The following MTCH1 variants were observed in gnomAD, a reference collection of about 807,000 sequenced individuals.
The protein encoded by MTCH1 is mitochondrial carrier 1.
A neutral mutation model predicts 49.3 loss-of-function variants in MTCH1; 23 were observed. The observed-to-expected ratio is 0.47, with a 90% confidence interval of 0.34 to 0.66. MTCH1 has a LOEUF of 0.66. Ranked by LOEUF, MTCH1 falls within the 30% of genes least tolerant of loss-of-function variation. MTCH1 has a pLI of 0.01. For synonymous variants in MTCH1, 229 were observed against 215.2 expected (o/e 1.06, Z -0.56); for missense variants, 397 against 532.1 (o/e 0.75, Z 2.50).
At chr6:36,980,383 G>A (rs1764042110) in intron 2 of MTCH1, among the ~76,000 whole-genome samples, 1 of 152,194 alleles carries the variant, frequency 6.6e-6, no homozygotes, top group Non-Finnish European at 1.5e-5. Flanking sequence ...CCCGTGCAGG[G>A]CCGCAGCCAT....
intron 11 of MTCH1, chr6:36,969,440 A>T: frequency 9.4e-7 from 1 of 1,064,512 alleles, no homozygotes; most frequent in Non-Finnish European, 1.1e-6. Flanking sequence ...AGGCCAGGAA[A>T]AGGCAAGGTT....
intron 7 of MTCH1, among the ~76,000 whole-genome samples, chr6:36,974,086 C>T (rs1438007667): frequency 1.3e-5 from 2 of 152,072 alleles, no homozygotes; most frequent in Admixed American, 1.3e-4. Context: ...TGGTTTGTTA[C>T]CAGGTACATG....
chr6:36,985,833 C>T lies in MTCH1; in HGVS notation c.321+20G>A. On this transcript the variant is annotated intron_variant, in intron 1 of 11. Coordinates refer to ENST00000373627, the MANE Select transcript of MTCH1 (RefSeq NM_001271641.2). The stretch of plus-strand genomic sequence containing the variant: ...TTCACATCAGCCTCCCATCTCCCTA[C>T]GGCGCCTCTGGTCCCCCACCTGGAT... 1 of 1,548,686 alleles carries T rather than the reference C, an allele frequency of 6.5e-7. No individual in the cohort carries two copies. Among genetic ancestry groups the T allele is most frequent in the East Asian group, 2.4e-5 (1 of 40,818 alleles).
chr6:36,981,802 G>T, intron 1 of MTCH1, 130 bp from the exon 2 acceptor site: 1 of 764,866 alleles, frequency 1.3e-6, no homozygotes, highest in Non-Finnish European at 2.0e-6. Context: ...TCTTGTTCAT[G>T]TTTTCCCCAT....
chr6:36,983,748 C>T (rs987204418), intron 1 of MTCH1, among the ~76,000 whole-genome samples: 11 of 152,164 alleles, frequency 7.2e-5, no homozygotes, highest in African/African-American at 2.7e-4. Context: ...TGCATTCTTA[C>T]GCACCTAATC....
At position 36,970,207 on chromosome 6, in the gene MTCH1, C is replaced by G. The variant is rs1763629611; in HGVS notation, c.1023-93G>C. On this transcript the variant is annotated intron_variant, in intron 10 of 11. Coordinates refer to ENST00000373627, the MANE Select transcript of MTCH1 (RefSeq NM_001271641.2). ...AAGAAGGAATGCCTTCAGGCTACCA[C>G]CCATCCACACCCTGACCCCTGACAC... The G allele has an allele frequency of 2.1e-6, 3 of 1,455,164 alleles. No individual in the cohort carries two copies. In the South Asian group the frequency reaches 3.7e-5, roughly 18 times the overall value. The allele number at this position is 1,455,164 out of a possible 1,614,324, so 90.1% of individuals were successfully genotyped here.
chr6:36,976,549 T>G, intron 6 of MTCH1: 1 of 471,088 alleles, frequency 2.1e-6, no homozygotes, highest in South Asian at 1.5e-5. Context: ...GACCCCAAAA[T>G]GAGGCACCAT....
At chr6:36,985,294 C>T (rs1199841193) in intron 1 of MTCH1, among the ~76,000 whole-genome samples, 1 of 152,138 alleles carries the variant, frequency 6.6e-6, no homozygotes, top group African/African-American at 2.4e-5. Flanking sequence ...AAATTTCTGG[C>T]CCTGGCGCCC....
At chr6:36,975,180 CAT>C (rs1181047237) in intron 7 of MTCH1, among the ~76,000 whole-genome samples, 6 of 152,236 alleles carry the variant, frequency 3.9e-5, no homozygotes, top group Admixed American at 6.5e-5. Context: ...AGATGCCAGA[CAT>C]GTGGATTTTT....
At chr6:36,980,255 G>T (rs1002414561) in intron 2 of MTCH1, among the ~76,000 whole-genome samples, 4 of 152,250 alleles carry the variant, frequency 2.6e-5, no homozygotes, top group African/African-American at 9.6e-5. Flanking sequence ...TAAGATGGGG[G>T]TCAAGTTCCC....
Position 36,978,098 on chromosome 6 carries a change from G to C in MTCH1, c.571C>G (p.Leu191Val). ...VSNKDDMKTS[L>V]KKVVKETSYE... is the part of the protein sequence containing the mutation. Reference sequence around the variant, plus strand: ...CCCACCTCCTTCACAACTTTCTTCAGGGAAGTCTTCATATCATCCTTGTTG... The same window carrying C: ...CCCACCTCCTTCACAACTTTCTTCACGGAAGTCTTCATATCATCCTTGTTG... The change falls in exon 4 of 12, where the codon CTG (leucine) becomes GTG (valine). Residue 191 changes from leucine (L) to valine (V), a missense_variant. Transcript: ENST00000373627. 6.2e-7 allele frequency: 1 copy of C among 1,613,282 alleles called. No individual in the cohort carries two copies. Among genetic ancestry groups the C allele is most frequent in the East Asian group, 2.2e-5 (1 of 44,896 alleles).
intron 11 of MTCH1, 190 bp downstream of exon 11, chr6:36,969,849 C>T: frequency 6.5e-7 from 1 of 1,531,804 alleles, no homozygotes; most frequent in Non-Finnish European, 8.8e-7. Flanking sequence ...CACACTTAGC[C>T]ACCTCAAATC....
At chr6:36,975,586 T>C in intron 7 of MTCH1, 72 bp downstream of exon 7, 2 of 1,468,512 alleles carry the variant, frequency 1.4e-6, no homozygotes, top group Non-Finnish European at 1.9e-6. Context: ...AGCTGCGGTC[T>C]GAGAGGTTGA....
In MTCH1 at chr6:36,982,760, C is replaced by T. The variant is rs989358324; in HGVS notation, c.322-1088G>A. Among the ~76,000 whole-genome samples, 4 of 152,200 alleles carry T rather than the reference C, an allele frequency of 2.6e-5. No homozygotes were observed. The highest frequency in any genetic ancestry group is 1.9e-4 in the East Asian group (1 of 5,204). ...CATGTGAGGAGCAGGAAGTCTCTGT[C>T]GAGGGGTGAGAGCCCCTGCTGCCAG... On this transcript the variant is annotated intron_variant, in intron 1 of 11. Transcript: ENST00000373627. This position sits in a 1 kb window ranked among gnomAD's most constrained non-coding sequence, Gnocchi z 4.1.
chr6:36,975,472 T>C (rs1763841241), intron 7 of MTCH1, among the ~76,000 whole-genome samples, 186 bp downstream of exon 7: 4 of 152,234 alleles, frequency 2.6e-5, no homozygotes, highest in Admixed American at 2.6e-4. Flanking sequence ...ACATGAGCCA[T>C]GGCCTGAAAA....
Position 36,986,144 on chromosome 6 carries a change from G to A in MTCH1, c.30C>T (p.Pro10=), listed in dbSNP as rs1199793055. The change falls in exon 1 of 12, where the codon CCC becomes CCT. Residue 10 remains proline (P), a synonymous_variant. Transcript: ENST00000373627. ...TCCCCGCGGCACCGCCGCGAGCCCA[G>A]GGCGCCACTTCCGGGTCCGAAGCTC... MGASDPEVA[P]WARGGAAGMA... 1.6e-6 allele frequency: 2 copies of A among 1,253,666 alleles called. No homozygotes were observed. Among genetic ancestry groups the A allele is most frequent in the African/African-American group, 1.5e-5 (1 of 64,768 alleles). The allele number at this position is 1,253,666 out of a possible 1,614,324, so 77.7% of individuals were successfully genotyped here.
Position 36,977,102 on chromosome 6 carries a change from G to A in MTCH1, c.701+97C>T. ...AGCAGGCTGAACTCACACAGCACTA[G>A]GGCAGAAAAGGTGCAGCAACCAATC... is the stretch of plus-strand genomic sequence containing the variant. On this transcript the variant is annotated intron_variant, in intron 6 of 11. Coordinates refer to ENST00000373627, the MANE Select transcript of MTCH1 (RefSeq NM_001271641.2). This position sits in a 1 kb window ranked among gnomAD's most constrained non-coding sequence, Gnocchi z 5.4. 1 of 1,299,874 alleles carries A rather than the reference G, an allele frequency of 7.7e-7. No homozygotes were observed. The highest frequency in any genetic ancestry group is 1.1e-6 in the Non-Finnish European group (1 of 898,332). The allele number at this position is 1,299,874 out of a possible 1,614,324, so 80.5% of individuals were successfully genotyped here.
At chr6:36,986,324 G>A (rs967199185), upstream of MTCH1, 100 of 725,250 alleles carry the variant, frequency 1.4e-4, no homozygotes, top group Non-Finnish European at 1.9e-4. Context: ...GTGGCTCCCC[G>A]GCCGGTTGGA....
chr6:36,975,606 T>C (rs1314464026), intron 7 of MTCH1, 52 bp downstream of exon 7: 4 of 1,564,268 alleles, frequency 2.6e-6, no homozygotes, highest in Non-Finnish European at 3.5e-6. Context: ...AGGACACACC[T>C]GTTAGCAGAG....
Sources: gnomAD v4.1 joint callset for allele counts (sites outside exome capture counted in the v4.1 genomes callset) on GRCh38, gnomAD v4.1.1 for gene constraint, Gnocchi (gnomAD v3.1) non-coding constraint, MANE v1.5 for transcripts, NCBI Gene and HGNC (gene_info 2026-07-23, HGNC 2026-07-21) for gene names.